Variants in CNTNAP3 observed in about 807,000 individuals in gnomAD.
CNTNAP3 encodes contactin-associated protein-like 3.
Under a neutral mutation model 92.1 loss-of-function variants are expected in CNTNAP3, and 36 were observed. That is an observed-to-expected ratio of 0.39 (90% CI 0.30 to 0.52). The LOEUF is 0.52. CNTNAP3 is among the 20% of genes least tolerant of loss of function. The probability of loss-of-function intolerance (pLI) is 0.76; values close to 1 mark genes in which losing one functional copy is unlikely to be tolerated. For synonymous variants in CNTNAP3, 232 were observed against 422.3 expected (o/e 0.55, Z 5.53); for missense variants, 534 against 1,069.6 (o/e 0.50, Z 6.98).
At chr9:39,113,891 C>CA (rs1820778058) in intron 14 of CNTNAP3, among the ~76,000 whole-genome samples, 1 of 151,466 alleles carries the variant, frequency 6.6e-6, no homozygotes, top group African/African-American at 2.4e-5. Context: ...TACTCATTCC[C>CA]AAAAATGTTA....
intron 13 of CNTNAP3, among the ~76,000 whole-genome samples, chr9:39,127,005 G>A (rs1428429905): frequency 2.6e-5 from 4 of 151,400 alleles, no homozygotes; most frequent in Admixed American, 1.3e-4. Flanking sequence ...ACCATATCCC[G>A]GCGAGCCAAA....
At chr9:39,099,245 C>T (rs908725706) in intron 18 of CNTNAP3, among the ~76,000 whole-genome samples, 39 of 152,230 alleles carry the variant, frequency 2.6e-4, no homozygotes, top group Non-Finnish European at 5.1e-4. Context: ...TGAGCCACCA[C>T]GCCCAGCCCT....
intron 9 of CNTNAP3, among the ~76,000 whole-genome samples, chr9:39,157,491 C>T (rs1263297228): frequency 8.7e-6 from 1 of 114,996 alleles, no homozygotes; most frequent in Non-Finnish European, 1.9e-5. Flanking sequence ...AGGCGCCCAC[C>T]ACCATGCCCA....
rs115878823 is a variant in CNTNAP3, at chr9:39,118,368, A to C, written c.2081-109T>G. The C allele has an allele frequency of 8.9e-3, 13,126 of 1,476,178 alleles. 536 individuals are homozygous for C. The highest frequency in any genetic ancestry group is 0.078 in the African/African-American group (5,532 of 70,696). The allele number at this position is 1,476,178 out of a possible 1,614,324, so 91.4% of individuals were successfully genotyped here. Reference sequence around the variant, plus strand: ...TAAAGTGTATGTGTGAGAGACAGAGAGAGAGAAAATGAAACTATACTTAAA... The same window carrying C: ...TAAAGTGTATGTGTGAGAGACAGAGCGAGAGAAAATGAAACTATACTTAAA... On this transcript the variant is annotated intron_variant, in intron 13 of 23. Coordinates refer to ENST00000297668, the MANE Select transcript of CNTNAP3 (RefSeq NM_033655.5).
intron 12 of CNTNAP3, among the ~76,000 whole-genome samples, chr9:39,139,308 C>T (rs186493703): frequency 5.9e-5 from 9 of 152,248 alleles, no homozygotes; most frequent in Admixed American, 3.3e-4. Flanking sequence ...TCCACCAAGA[C>T]CATTTTTATG....
chr9:39,088,750 A>T, intron 18 of CNTNAP3, 103 bp from the exon 19 acceptor site: 1 of 1,033,476 alleles, frequency 9.7e-7, no homozygotes, highest in South Asian at 1.4e-5. Context: ...ATATCCTGGG[A>T]GATAAAGTAA....
intron 18 of CNTNAP3, among the ~76,000 whole-genome samples, chr9:39,094,125 T>C (rs1370333059): frequency 6.6e-6 from 1 of 151,650 alleles, no homozygotes; most frequent in Non-Finnish European, 1.5e-5. Flanking sequence ...TAATAACTAA[T>C]GATGTTGAGT....
intron 11 of CNTNAP3, among the ~76,000 whole-genome samples, chr9:39,143,027 G>A (rs1821613729): frequency 6.6e-6 from 1 of 151,954 alleles, no homozygotes. Flanking sequence ...CTGAGGAGAA[G>A]TTGCTCAGAA....
chr9:39,068,126 G>T lies in CNTNAP3; in HGVS notation c.*5764C>A. Among the ~76,000 whole-genome samples the T allele has an allele frequency of 6.6e-6, 1 of 152,312 alleles. No homozygotes were observed. ...GCGATATTAAAATTTCAGGGCGGGC[G>T]CAGTGGCTTACGCCTGTGATACCAG... is the stretch of plus-strand genomic sequence containing the variant. On this transcript the variant is annotated 3_prime_UTR_variant, in exon 24 of 24. Transcript: ENST00000297668.
chr9:39,113,991 T>TAC (rs748176110), intron 14 of CNTNAP3, among the ~76,000 whole-genome samples: 2 of 146,908 alleles, frequency 1.4e-5, no homozygotes, highest in Non-Finnish European at 3.1e-5. Flanking sequence ...CACATATATA[T>TAC]ACACACACAC....
chr9:39,148,152 C>G (rs939410857), intron 10 of CNTNAP3, among the ~76,000 whole-genome samples: 2 of 151,934 alleles, frequency 1.3e-5, no homozygotes, highest in African/African-American at 4.8e-5. Flanking sequence ...GGTTCTGGAG[C>G]TGGTGTTGAG....
chr9:39,177,848 CAT>C (rs1822362823), intron 5 of CNTNAP3, among the ~76,000 whole-genome samples: 1 of 108,708 alleles, frequency 9.2e-6, no homozygotes, highest in Non-Finnish European at 1.7e-5. Context: ...ATTATACACA[CAT>C]ATGGTGATCT....
chr9:39,144,228 C>G lies in CNTNAP3; in HGVS notation c.1756+12G>C, dbSNP rs1692973. On this transcript the variant is annotated intron_variant, in intron 11 of 23. Coordinates refer to ENST00000297668, the MANE Select transcript of CNTNAP3 (RefSeq NM_033655.5). Reference sequence around the variant, plus strand: ...GATGCTGACAGAAACGAGAGGGAGGCGTGAGGCTTACAGGAATGGCAGGTC... The same window carrying G: ...GATGCTGACAGAAACGAGAGGGAGGGGTGAGGCTTACAGGAATGGCAGGTC... The G allele has an allele frequency of 3.1e-6, 5 of 1,589,606 alleles. No homozygotes were observed. The highest frequency in any genetic ancestry group is 3.4e-6 in the Non-Finnish European group (4 of 1,168,948).
intron 17 of CNTNAP3, among the ~76,000 whole-genome samples, chr9:39,101,957 G>T (rs1440565474): frequency 6.6e-6 from 1 of 152,274 alleles, no homozygotes; most frequent in Non-Finnish European, 1.5e-5. Context: ...TCTGTAAACA[G>T]ATGACAATAC....
At position 39,152,376 on chromosome 9, in the gene CNTNAP3, C is replaced by T. The variant is rs1398165819; in HGVS notation, c.1478-2399G>A. ...ACACTTGGAAGTTTAACATTTAACA[C>T]CATATTTGTTTAAAAGTTTGAAGAC... On this transcript the variant is annotated intron_variant, in intron 9 of 23. Coordinates refer to ENST00000297668, the MANE Select transcript of CNTNAP3 (RefSeq NM_033655.5). Among the ~76,000 whole-genome samples the T allele has an allele frequency of 2.3e-5, 3 of 127,950 alleles. 1 individual carries two copies. Among genetic ancestry groups the T allele is most frequent in the African/African-American group, 9.2e-5 (3 of 32,584 alleles). The allele number at this position is 127,950 out of a possible 152,430, so 83.9% of individuals were successfully genotyped here.
intron 7 of CNTNAP3, chr9:39,174,023 G>A (rs374037835): frequency 0.016 from 49 of 3,140 alleles, 1 homozygote; most frequent in African/African-American, 0.059. Context: ...AACGTGTTAG[G>A]TCAGGCTTCT....
At chr9:39,106,331 C>G (rs1826605965) in intron 15 of CNTNAP3, among the ~76,000 whole-genome samples, 1 of 152,100 alleles carries the variant, frequency 6.6e-6, no homozygotes, top group African/African-American at 2.4e-5. Context: ...CACTTTGTCA[C>G]CCAGGCTGGA....
Position 39,071,763 on chromosome 9 carries a change from ATATT to A in CNTNAP3, c.*2123_*2126del, listed in dbSNP as rs1329042938. On this transcript the variant is annotated 3_prime_UTR_variant, in exon 24 of 24. Coordinates refer to ENST00000297668, the MANE Select transcript of CNTNAP3 (RefSeq NM_033655.5). ...TATTTTTACATCTAGCAATCAGTAA[ATATT>A]TATCTCTTTTTCTTGCACTTTGCAT... Among the ~76,000 whole-genome samples the A allele has an allele frequency of 7.0e-6, 1 of 142,014 alleles. No individual in the cohort carries two copies. Among genetic ancestry groups the A allele is most frequent in the African/African-American group, 2.7e-5 (1 of 37,088 alleles). The allele number at this position is 142,014 out of a possible 152,430, so 93.2% of individuals were successfully genotyped here.
rs1341195226 is a variant in CNTNAP3, at chr9:39,068,302, G to C, written c.*5588C>G. Among the ~76,000 whole-genome samples the C allele has an allele frequency of 3.8e-4, 58 of 151,834 alleles. No homozygotes were observed. The highest frequency in any genetic ancestry group is 1.3e-3 in the African/African-American group (54 of 41,086). On this transcript the variant is annotated 3_prime_UTR_variant, in exon 24 of 24. Transcript: ENST00000297668. The stretch of plus-strand genomic sequence containing the variant: ...ATGTTGGCTTGTGCCTGTAGTCCCA[G>C]CTACTCGGGAGGCTGAGGCAGGAGA...
Sources: gnomAD v4.1 joint callset for allele counts (sites outside exome capture counted in the v4.1 genomes callset) on GRCh38, gnomAD v4.1.1 for gene constraint, MANE v1.5 for transcripts, NCBI Gene and HGNC (gene_info 2026-07-23, HGNC 2026-07-21) for gene names.